The following FDX1 variants were observed in gnomAD, a reference collection of about 807,000 sequenced individuals.
The protein encoded by FDX1 is ferredoxin 1.
In FDX1, 9 loss-of-function variants were observed where a neutral mutation model predicts 14.9. That is an observed-to-expected ratio of 0.60 (90% CI 0.36 to 1.05). The LOEUF is 1.05. FDX1 is among the 50% of genes least tolerant of loss of function. The probability of loss-of-function intolerance (pLI) is 0.01; values close to 1 mark genes in which losing one functional copy is unlikely to be tolerated. For missense variants in FDX1, 204 were observed against 237.2 expected, an observed-to-expected ratio of 0.86 and a Z score of 0.92; for synonymous variants, 92 against 99.4, an observed-to-expected ratio of 0.93 and a Z score of 0.44.
intron 2 of FDX1, among the ~76,000 whole-genome samples, chr11:110,442,080 G>T (rs1372261290): frequency 6.6e-6 from 1 of 152,194 alleles, no homozygotes; most frequent in African/African-American, 2.4e-5. Context: ...CTAGTGTACA[G>T]AAGTCAAGAA....
At chr11:110,436,012 T>A in intron 2 of FDX1, 54 bp downstream of exon 2, 3 of 1,525,830 alleles carry the variant, frequency 2.0e-6, no homozygotes, top group Non-Finnish European at 2.7e-6. Flanking sequence ...GGTTTCAAAT[T>A]TTTATTTTGT....
chr11:110,455,582 G>A (rs10891117), intron 2 of FDX1, among the ~76,000 whole-genome samples: 12,205 of 152,242 alleles, frequency 0.08, 967 homozygotes, highest in East Asian at 0.34. Context: ...TAAGCAGACT[G>A]TGATTCTGCA....
intron 2 of FDX1, among the ~76,000 whole-genome samples, chr11:110,436,643 A>G (rs1261346839): frequency 7.5e-6 from 1 of 133,728 alleles, no homozygotes; most frequent in East Asian, 2.4e-4. Context: ...CCAGCATTGC[A>G]TGTTGTAACA....
At chr11:110,431,618 C>T (rs1946332415) in intron 1 of FDX1, among the ~76,000 whole-genome samples, 1 of 152,190 alleles carries the variant, frequency 6.6e-6, no homozygotes, top group African/African-American at 2.4e-5. Context: ...ACCTTGCTTT[C>T]TGTTATACAA....
chr11:110,447,380 G>C (rs980196277), intron 2 of FDX1, among the ~76,000 whole-genome samples: 5 of 151,680 alleles, frequency 3.3e-5, no homozygotes, highest in Admixed American at 6.6e-5. Context: ...CTCGAACCAG[G>C]GAGTCGGAGG....
chr11:110,434,055 T>A (rs2134566049), intron 1 of FDX1, among the ~76,000 whole-genome samples: 1 of 152,342 alleles, frequency 6.6e-6, no homozygotes, highest in South Asian at 2.1e-4. Flanking sequence ...GGAATAAGGA[T>A]CTAGTTTTTA....
intron 2 of FDX1, among the ~76,000 whole-genome samples, chr11:110,440,785 T>C (rs1946399978): frequency 6.6e-6 from 1 of 152,146 alleles, no homozygotes; most frequent in Non-Finnish European, 1.5e-5. Flanking sequence ...GTGTAGATAC[T>C]GTAAAGACAA....
At chr11:110,429,940 C>T (rs1339648793), upstream of FDX1, 2 of 363,356 alleles carry the variant, frequency 5.5e-6, no homozygotes, top group East Asian at 4.3e-5. Flanking sequence ...ATAGGTCACC[C>T]GGAAGGCACG....
intron 2 of FDX1, among the ~76,000 whole-genome samples, chr11:110,444,677 T>C (rs1464194724): frequency 1.3e-5 from 1 of 76,460 alleles, no homozygotes; most frequent in African/African-American, 6.0e-5. Context: ...TATATATATA[T>C]ATATATACAC....
chr11:110,450,618 A>T (rs10891114), intron 2 of FDX1, among the ~76,000 whole-genome samples: 27,410 of 152,214 alleles, frequency 0.18, 2,623 homozygotes, highest in East Asian at 0.26. Context: ...CATTTGTTCT[A>T]CTTAAGTATA....
intron 3 of FDX1, 94 bp from the exon 4 acceptor site, chr11:110,462,260 G>T (rs1946560836): frequency 3.3e-6 from 2 of 615,138 alleles, no homozygotes; most frequent in South Asian, 3.4e-5. Flanking sequence ...GACTGCTTTG[G>T]GTAAGAAAAT....
At chr11:110,439,233 A>C (rs2134570563) in intron 2 of FDX1, among the ~76,000 whole-genome samples, 1 of 150,424 alleles carries the variant, frequency 6.6e-6, no homozygotes, top group African/African-American at 2.5e-5. Flanking sequence ...CCCGAGACGG[A>C]GTCTCACTCT....
intron 2 of FDX1, among the ~76,000 whole-genome samples, chr11:110,448,435 G>A (rs535427472): frequency 5.3e-5 from 8 of 152,194 alleles, no homozygotes; most frequent in Middle Eastern, 3.4e-3. Flanking sequence ...GTTAGGTGTC[G>A]GGGCAGGCAA....
In FDX1 at chr11:110,453,279, C is replaced by T. The variant is rs192952806; in HGVS notation, c.311-3639C>T. Among the ~76,000 whole-genome samples the T allele has an allele frequency of 4.2e-3, 645 of 152,106 alleles. 3 individuals carry two copies. The highest frequency in any genetic ancestry group is 0.015 in the African/African-American group (606 of 41,516). ...CTTGAACCCGGGAGGCGGAGGTTGCCGTGAGCCGAGATCGCACCATTACAC... is the reference window on the plus strand; with the variant it reads ...CTTGAACCCGGGAGGCGGAGGTTGCTGTGAGCCGAGATCGCACCATTACAC... On this transcript the variant is annotated intron_variant, in intron 2 of 3. Transcript: ENST00000260270.
intron 2 of FDX1, among the ~76,000 whole-genome samples, chr11:110,447,457 A>C (rs1325341275): frequency 6.6e-6 from 1 of 152,098 alleles, no homozygotes; most frequent in Non-Finnish European, 1.5e-5. Flanking sequence ...CTTCAAACAA[A>C]CAAACAAAAA....
At chr11:110,460,641 A>C (rs1946550830) in intron 3 of FDX1, among the ~76,000 whole-genome samples, 1 of 152,170 alleles carries the variant, frequency 6.6e-6, no homozygotes. Flanking sequence ...CATGTTAACT[A>C]TCTGAATGTG....
chr11:110,446,600 C>T (rs1444243457), intron 2 of FDX1, among the ~76,000 whole-genome samples: 9 of 152,152 alleles, frequency 5.9e-5, no homozygotes, highest in Admixed American at 5.9e-4. Flanking sequence ...CGAGTCTTTC[C>T]TACCTCAGTA....
chr11:110,438,773 C>T (rs1039811830), intron 2 of FDX1, among the ~76,000 whole-genome samples: 9 of 151,988 alleles, frequency 5.9e-5, no homozygotes, highest in South Asian at 4.1e-4. Flanking sequence ...GACTTCTGCC[C>T]GCTTTTTAAT....
chr11:110,457,898 G>A (rs1482275251), intron 3 of FDX1, among the ~76,000 whole-genome samples: 2 of 151,884 alleles, frequency 1.3e-5, no homozygotes, highest in East Asian at 1.9e-4. Flanking sequence ...TCCTTTTATA[G>A]TTCATTTCCC....
Sources: allele counts gnomAD v4.1 joint callset (sites outside exome capture counted in the v4.1 genomes callset), GRCh38; gene constraint gnomAD v4.1.1; transcripts MANE v1.5; gene names NCBI Gene and HGNC (gene_info 2026-07-23, HGNC 2026-07-21).